Variants in GREB1 observed in about 807,000 individuals in gnomAD.
GREB1 encodes protein GREB1.
In GREB1, 106 loss-of-function variants were observed where a neutral mutation model predicts 200.7. The observed-to-expected ratio is 0.53, with a 90% CI of 0.45 to 0.62. The LOEUF (loss-of-function observed/expected upper bound fraction) is 0.62. Among genes scored for constraint, GREB1 ranks in the 20% least tolerant of loss-of-function variants. GREB1 has a pLI of 0.00. For synonymous variants in GREB1, 1,132 were observed against 1,092.4 expected (o/e 1.04, Z -0.72); for missense variants, 2,243 against 2,556.8 (o/e 0.88, Z 2.65).
chr2:11,581,323 G>C (rs541058173), intron 7 of GREB1: 98 of 367,796 alleles, frequency 2.7e-4, no homozygotes, highest in Non-Finnish European at 4.3e-4. Context: ...TGAAAGGTCA[G>C]AGCACATCTG....
At chr2:11,555,483 CTCCCA>C (rs1196245697) in intron 1 of GREB1, among the ~76,000 whole-genome samples, 4 of 152,214 alleles carry the variant, frequency 2.6e-5, no homozygotes, top group Non-Finnish European at 5.9e-5. Flanking sequence ...TGAATACAAT[CTCCCA>C]TCCCTTCCCA....
At chr2:11,588,249 C>CA (rs1680370844) in intron 9 of GREB1, 1 of 1,000,128 alleles carries the variant, frequency 1.0e-6, no homozygotes, top group Admixed American at 5.1e-5. Flanking sequence ...AAGAATGACT[C>CA]AGTCTTCTGG....
rs1677699339 is a variant in GREB1 at position 11,566,661 on chromosome 2, G to A, written c.454+5G>A. On this transcript the variant is annotated splice_donor_5th_base_variant and intron_variant, in intron 4 of 32. Coordinates refer to ENST00000381486, the MANE Select transcript of GREB1 (RefSeq NM_014668.4). The stretch of plus-strand genomic sequence containing the variant: ...ATGGCCACAATGCTCTTCTTGGTAA[G>A]TACTGCTTTGTCATCCTCTGTGGCT... 1 of 1,606,766 alleles carries A rather than the reference G, an allele frequency of 6.2e-7. No individual in the cohort carries two copies. The highest frequency in any genetic ancestry group is 2.2e-5 in the East Asian group (1 of 44,722).
At chr2:11,575,607 G>A (rs535166968) in intron 4 of GREB1, among the ~76,000 whole-genome samples, 42 of 152,318 alleles carry the variant, frequency 2.8e-4, no homozygotes, top group African/African-American at 9.4e-4. Flanking sequence ...TCCACTGGCT[G>A]CTAAGCCACG....
At chr2:11,490,425 T>A (rs962749964) in intron 1 of GREB1, among the ~76,000 whole-genome samples, 1 of 152,276 alleles carries the variant, frequency 6.6e-6, no homozygotes, top group Admixed American at 6.5e-5. Flanking sequence ...TTCCATTGTA[T>A]GGATATACCA....
chr2:11,598,660 G>A lies in GREB1; in HGVS notation c.2153-20G>A, dbSNP rs961856728. 7 of 1,612,164 alleles carry A rather than the reference G, an allele frequency of 4.3e-6. No homozygotes were observed. The Admixed American group carries it at 1.0e-4, about 23-fold the overall frequency. ...AGTGCGCATGTTTGCAGTTACTGAT[G>A]TATGTTCTTTGTGTTGCAGGGGTTT... is the stretch of plus-strand genomic sequence containing the variant. On this transcript the variant is annotated intron_variant, in intron 14 of 32. Transcript: ENST00000381486.
In GREB1 at chr2:11,592,876, G is replaced by T. The variant is rs1245661202; in HGVS notation, c.1446G>T (p.Pro482=). 1 of 1,598,544 alleles carries T rather than the reference G, an allele frequency of 6.3e-7. No individual in the cohort carries two copies. The highest frequency in any genetic ancestry group is 1.7e-5 in the Admixed American group (1 of 58,226). Residue 482 remains proline (P), a synonymous_variant, in exon 11 of 33, where the codon CCG becomes CCT. Coordinates refer to ENST00000381486, the MANE Select transcript of GREB1 (RefSeq NM_014668.4). The stretch of plus-strand genomic sequence containing the variant: ...AGATCCGGCAGTACCAGCAGGCGCC[G>T]CCGCAGCCCTTCCCGCCCGCGCCCA... ...LTEIRQYQQA[P]PQPFPPAPSA...
At chr2:11,614,124 G>GTTTTTTTTTTTTT (rs1558636075) in intron 19 of GREB1, among the ~76,000 whole-genome samples, 2 of 133,398 alleles carry the variant, frequency 1.5e-5, no homozygotes, top group Non-Finnish European at 3.1e-5. Context: ...AGCGGACTTA[G>GTTTTTTTTTTTTT]ATTTTTTTTT....
chr2:11,598,109 G>A (rs1320804530), intron 14 of GREB1, 131 bp downstream of exon 14: 2 of 766,582 alleles, frequency 2.6e-6, no homozygotes, highest in African/African-American at 1.7e-5. Context: ...TTTATAGATT[G>A]TGAAACTGAT....
At chr2:11,583,845 G>A (rs1397527789) in intron 7 of GREB1, among the ~76,000 whole-genome samples, 2 of 143,496 alleles carry the variant, frequency 1.4e-5, no homozygotes, top group South Asian at 2.1e-4. Context: ...GGCAACAAGA[G>A]CGAGACTCTG....
chr2:11,625,040 G>C, intron 23 of GREB1, 114 bp from the exon 24 acceptor site: 1 of 827,196 alleles, frequency 1.2e-6, no homozygotes, highest in South Asian at 1.5e-5. Context: ...CACAGTGACA[G>C]AATCGCCTGA....
At position 11,600,982 on chromosome 2, in the gene GREB1, C is replaced by T. The variant is rs762381931; in HGVS notation, c.2516C>T (p.Ala839Val). The change falls in exon 16 of 33, where the codon GCC becomes GTC. Residue 839 changes from alanine (A) to valine (V), a missense_variant. This residue lies in a region of GREB1 where 1,178 missense variants were observed against 1,387.4 expected (regional missense o/e 0.85). Transcript: ENST00000381486. ...CCCTACAACGAGATCCACTGGCCTG[C>T]CTCCTGCAGTAATGTGAGTGCCACG... ...ISPYNEIHWP[A>V]SCSNGVDLYH... 6.2e-7 allele frequency: 1 copy of T among 1,610,834 alleles called. No individual in the cohort carries two copies.
At chr2:11,617,901 G>T (rs1248776831) in intron 21 of GREB1, among the ~76,000 whole-genome samples, 1 of 152,114 alleles carries the variant, frequency 6.6e-6, no homozygotes, top group Non-Finnish European at 1.5e-5. Context: ...TGAGCTGGTG[G>T]TTGGGGTCTC....
intron 15 of GREB1, among the ~76,000 whole-genome samples, chr2:11,600,060 C>T (rs1283556456): frequency 6.6e-6 from 1 of 152,188 alleles, no homozygotes; most frequent in East Asian, 1.9e-4. Context: ...CGCAGATCCA[C>T]AGATAGCTAG....
intron 1 of GREB1, among the ~76,000 whole-genome samples, chr2:11,483,233 CGTGTGCGTGTATGG>C (rs1384646844): frequency 6.8e-6 from 1 of 146,726 alleles, no homozygotes; most frequent in Non-Finnish European, 1.5e-5. Flanking sequence ...GGTGTGCGTG[CGTGTGCGTGTATGG>C]GTGTGCGTGT....
At chr2:11,605,233 T>C (rs972766485) in intron 17 of GREB1, among the ~76,000 whole-genome samples, 1 of 150,074 alleles carries the variant, frequency 6.7e-6, no homozygotes, top group African/African-American at 2.4e-5. Flanking sequence ...ATCTTTTTTT[T>C]TCTTTTTTTT....
rs144707061 is a variant in GREB1, at chr2:11,626,839, T to C, written c.4307-123T>C. ...GGCCCAGGGAGGTGAGAGGCAGTCC[T>C]CCCCAACCAGACAGAATCCTGTTGT... On this transcript the variant is annotated intron_variant, in intron 24 of 32. Transcript: ENST00000381486. 5.8e-4 allele frequency: 575 copies of C among 992,910 alleles called. 3 individuals are homozygous for C. In the African/African-American group the frequency reaches 7.5e-3, roughly 13 times the overall value. The allele number at this position is 992,910 out of a possible 1,614,324, so 61.5% of individuals were successfully genotyped here. A position where few individuals can be genotyped will look rare whatever the true frequency, so the allele number is the denominator to read the frequency against.
intron 14 of GREB1, among the ~76,000 whole-genome samples, chr2:11,598,359 TGA>T (rs1020160106): frequency 2.0e-5 from 3 of 152,262 alleles, no homozygotes; most frequent in Admixed American, 2.0e-4. Flanking sequence ...GCATTCAGAC[TGA>T]GAGAGGGATT....
Position 11,618,391 on chromosome 2 carries a change from C to A in GREB1, c.3516C>A (p.Ala1172=). 3 of 1,611,774 alleles carry A rather than the reference C, an allele frequency of 1.9e-6. No homozygotes were observed. Among genetic ancestry groups the A allele is most frequent in the Non-Finnish European group, 2.5e-6 (3 of 1,179,410 alleles). ...GTGGCCCCGCAGAGGAGGGCAGAGC[C>A]CCTGGTGAGAAACAGAGGCCCCGGG... ...QPRGPAEEGR[A]PGEKQRPRAS... Residue 1172 remains alanine, a synonymous_variant, in exon 22 of 33, where the codon GCC becomes GCA. Transcript: ENST00000381486.
Sources: allele counts gnomAD v4.1 joint callset (sites outside exome capture counted in the v4.1 genomes callset), GRCh38; gene constraint gnomAD v4.1.1; regional missense constraint gnomAD v4.1.1; transcripts MANE v1.5; gene names NCBI Gene and HGNC (gene_info 2026-07-23, HGNC 2026-07-21).